The following GPATCH2 variants were observed in gnomAD, a reference collection of about 807,000 sequenced individuals.
The protein encoded by GPATCH2 is G-patch domain containing 2.
A neutral mutation model predicts 58.0 loss-of-function variants in GPATCH2; 51 were observed. The observed-to-expected ratio is 0.88, with a 90% CI of 0.70 to 1.11. The LOEUF (loss-of-function observed/expected upper bound fraction) is 1.11. Among genes scored for constraint, GPATCH2 ranks in the 50% most tolerant of loss-of-function variants. The pLI, the probability that GPATCH2 is intolerant of heterozygous loss-of-function variation, is 0.00. For missense variants in GPATCH2, 625 were observed against 652.2 expected (o/e 0.96, Z 0.45); for synonymous variants, 222 against 218.5 (o/e 1.02, Z -0.14).
chr1:217,598,598 G>A (rs1235292284), intron 5 of GPATCH2, among the ~76,000 whole-genome samples: 4 of 151,860 alleles, frequency 2.6e-5, no homozygotes, highest in Admixed American at 2.6e-4. Flanking sequence ...GATTACAGGT[G>A]CCTGCCACAG....
chr1:217,565,219 G>A (rs918737853), intron 5 of GPATCH2, among the ~76,000 whole-genome samples: 2 of 152,010 alleles, frequency 1.3e-5, no homozygotes, highest in East Asian at 1.9e-4. Context: ...TTAGTCCAAC[G>A]CTTAAATCTA....
intron 5 of GPATCH2, among the ~76,000 whole-genome samples, chr1:217,543,626 TTGTC>T (rs1239918265): frequency 6.6e-5 from 10 of 152,240 alleles, no homozygotes; most frequent in Middle Eastern, 3.4e-3. Context: ...AAAGTCATCT[TTGTC>T]TGACTTATAG....
intron 9 of GPATCH2, among the ~76,000 whole-genome samples, chr1:217,443,404 T>A (rs892672108): frequency 1.3e-5 from 2 of 152,202 alleles, no homozygotes; most frequent in East Asian, 3.8e-4. Flanking sequence ...TTGCTACCGG[T>A]ACAATTTCAT....
At chr1:217,535,684 T>C (rs920418541) in intron 5 of GPATCH2, among the ~76,000 whole-genome samples, 1 of 152,188 alleles carries the variant, frequency 6.6e-6, no homozygotes, top group Non-Finnish European at 1.5e-5. Context: ...AAGTAAAAGC[T>C]AGAAAGAAGA....
chr1:217,590,489 C>G (rs1250119489), intron 5 of GPATCH2, among the ~76,000 whole-genome samples: 2 of 152,188 alleles, frequency 1.3e-5, no homozygotes, highest in Non-Finnish European at 2.9e-5. Context: ...CTGCAACATG[C>G]AATGCTTTGT....
intron 5 of GPATCH2, among the ~76,000 whole-genome samples, chr1:217,586,040 T>C (rs1571966911): frequency 6.6e-6 from 1 of 152,210 alleles, no homozygotes; most frequent in African/African-American, 2.4e-5. Flanking sequence ...TTACCATGAA[T>C]GGAGCTTGCA....
chr1:217,481,886 A>G (rs1207363605), intron 8 of GPATCH2, among the ~76,000 whole-genome samples: 1 of 152,178 alleles, frequency 6.6e-6, no homozygotes, highest in African/African-American at 2.4e-5. Context: ...CAAACAAACA[A>G]AAAACAAAAC....
intron 8 of GPATCH2, among the ~76,000 whole-genome samples, chr1:217,458,155 G>A (rs920141707): frequency 1.5e-4 from 23 of 152,156 alleles, no homozygotes; most frequent in Admixed American, 2.6e-4. Flanking sequence ...GCGTGAACCC[G>A]GGAGGCGGAG....
At chr1:217,612,435 T>G (rs1373334586) in intron 3 of GPATCH2, among the ~76,000 whole-genome samples, 1 of 152,168 alleles carries the variant, frequency 6.6e-6, no homozygotes, top group African/African-American at 2.4e-5. Flanking sequence ...GAAAATTATT[T>G]TATGAGAAAT....
At chr1:217,498,713 T>C in intron 6 of GPATCH2, 1 of 454,818 alleles carries the variant, frequency 2.2e-6, no homozygotes, top group Admixed American at 4.0e-5. Flanking sequence ...ACAAATGCTA[T>C]CATTTACCAC....
At position 217,430,793 on chromosome 1, in the gene GPATCH2, C is replaced by T; in HGVS notation, c.*352G>A. On this transcript the variant is annotated 3_prime_UTR_variant, in exon 10 of 10. Transcript: ENST00000366935. ...TCCATTTTAGAAACTGGTGGGTGTG[C>T]TCACGTTTGTCTGGGCATTGCAGCA... The T allele has an allele frequency of 4.1e-6, 1 of 243,598 alleles. No homozygotes were observed. Among genetic ancestry groups the T allele is most frequent in the East Asian group, 1.0e-4 (1 of 9,802 alleles). The allele number at this position is 243,598 out of a possible 1,614,324, so 15.1% of individuals were successfully genotyped here.
At chr1:217,554,163 G>A (rs890434033) in intron 5 of GPATCH2, among the ~76,000 whole-genome samples, 2 of 152,148 alleles carry the variant, frequency 1.3e-5, no homozygotes, top group Non-Finnish European at 2.9e-5. Context: ...CCAGTCTTTC[G>A]CTCTTGTCAT....
chr1:217,454,396 T>G lies in GPATCH2; in HGVS notation c.1278-5059A>C, dbSNP rs28680883. ...CGAGGTCTGGAAATCGAGACCATCC[T>G]GGCTAACACGGTGAAACCCCGTTTC... is the stretch of plus-strand genomic sequence containing the variant. On this transcript the variant is annotated intron_variant, in intron 8 of 9. Coordinates refer to ENST00000366935, the MANE Select transcript of GPATCH2 (RefSeq NM_018040.5). Among the ~76,000 whole-genome samples the G allele has an allele frequency of 7.5e-3, 1,145 of 152,008 alleles. 10 individuals are homozygous for G. Among genetic ancestry groups the G allele is most frequent in the African/African-American group, 0.025 (1,045 of 41,474 alleles).
intron 5 of GPATCH2, among the ~76,000 whole-genome samples, chr1:217,525,764 A>G (rs1663872744): frequency 1.3e-5 from 2 of 152,182 alleles, no homozygotes; most frequent in Admixed American, 6.5e-5. Flanking sequence ...AGTGAAGATA[A>G]TGGTGAGACT....
At chr1:217,576,656 A>C (rs990072375) in intron 5 of GPATCH2, among the ~76,000 whole-genome samples, 1 of 152,218 alleles carries the variant, frequency 6.6e-6, no homozygotes, top group Non-Finnish European at 1.5e-5. Context: ...TGCTAAGTCT[A>C]AATTAAGATG....
intron 5 of GPATCH2, among the ~76,000 whole-genome samples, chr1:217,561,869 A>T (rs549527683): frequency 6.6e-6 from 1 of 152,320 alleles, no homozygotes; most frequent in African/African-American, 2.4e-5. Context: ...AAGGATCTCT[A>T]ACAGGCAATG....
chr1:217,509,785 GT>G (rs1018385559), intron 6 of GPATCH2, among the ~76,000 whole-genome samples: 1 of 152,164 alleles, frequency 6.6e-6, no homozygotes, highest in Non-Finnish European at 1.5e-5. Context: ...ACAAGACAAA[GT>G]TTCCAACCTC....
At chr1:217,551,826 G>C (rs1665377098) in intron 5 of GPATCH2, among the ~76,000 whole-genome samples, 1 of 152,138 alleles carries the variant, frequency 6.6e-6, no homozygotes, top group South Asian at 2.1e-4. Context: ...TATGGAACTT[G>C]TATAAGGAAG....
At chr1:217,569,881 G>A (rs892527251) in intron 5 of GPATCH2, among the ~76,000 whole-genome samples, 1 of 151,990 alleles carries the variant, frequency 6.6e-6, no homozygotes, top group Non-Finnish European at 1.5e-5. Flanking sequence ...AGACAAAAAA[G>A]AATGGGATTC....
Sources: gnomAD v4.1 joint callset for allele counts (sites outside exome capture counted in the v4.1 genomes callset) on GRCh38, gnomAD v4.1.1 for gene constraint, MANE v1.5 for transcripts, NCBI Gene and HGNC (gene_info 2026-07-23, HGNC 2026-07-21) for gene names.